The following XIRP2 variants were observed in gnomAD, a reference collection of about 807,000 sequenced individuals.
The protein encoded by XIRP2 is xin actin binding repeat containing 2.
XIRP2 carries 236 observed loss-of-function variants against 277.0 expected under a neutral mutation model. The ratio of observed to expected loss-of-function variants is 0.85; its 90% CI spans 0.77 to 0.95. The LOEUF is 0.95. Ranked by LOEUF, XIRP2 falls within the 40% of genes least tolerant of loss-of-function variation. XIRP2 has a pLI of 0.00. For synonymous variants in XIRP2, 1,490 were observed against 1,416.5 expected, an observed-to-expected ratio of 1.05 and a Z score of -1.17; for missense variants, 4,640 against 4,157.5, an observed-to-expected ratio of 1.12 and a Z score of -3.19.
chr2:166,913,314 C>CT (rs946134411), intron 2 of XIRP2, among the ~76,000 whole-genome samples: 10 of 130,538 alleles, frequency 7.7e-5, no homozygotes, highest in South Asian at 2.7e-4. Context: ...GTGGGCACCC[C>CT]CCCCCCCCAG....
At chr2:166,913,380 C>A (rs530104048) in intron 2 of XIRP2, among the ~76,000 whole-genome samples, 2 of 150,538 alleles carry the variant, frequency 1.3e-5, no homozygotes, top group East Asian at 2.0e-4. Flanking sequence ...ATGAGTGAGG[C>A]TCCGTGGGCG....
Position 167,244,816 on chromosome 2 carries a change from G to T in XIRP2, c.3424G>T (p.Asp1142Tyr). 2 of 1,613,688 alleles carry T rather than the reference G, an allele frequency of 1.2e-6. No individual in the cohort carries two copies. The highest frequency in any genetic ancestry group is 1.7e-6 in the Non-Finnish European group (2 of 1,179,754). The change falls in exon 9 of 11, where the codon GAC becomes TAC. Residue 1142 changes from aspartate to tyrosine, a missense_variant. Physicochemically the swap from Asp to Tyr is radical, Grantham distance 160. Transcript: ENST00000409195. ...ETQPLDTIKD[D>Y]SETAVKLQTV... Reference sequence around the variant, plus strand: ...TCAGCCACTTGATACCATAAAAGATGACTCTGAAACAGCAGTCAAATTGCA... The same window carrying T: ...TCAGCCACTTGATACCATAAAAGATTACTCTGAAACAGCAGTCAAATTGCA...
chr2:167,102,998 G>A (rs1361354191), intron 2 of XIRP2, among the ~76,000 whole-genome samples: 4 of 152,170 alleles, frequency 2.6e-5, no homozygotes, highest in Non-Finnish European at 4.4e-5. Flanking sequence ...AAATAGCTGG[G>A]CATGGTGGCT....
intron 2 of XIRP2, among the ~76,000 whole-genome samples, chr2:167,133,456 G>A (rs774998711): frequency 7.9e-5 from 12 of 152,074 alleles, no homozygotes; most frequent in South Asian, 2.1e-4. Flanking sequence ...TACTGCCTCC[G>A]TACAAGATGC....
chr2:166,902,754 C>G (rs760809932), intron 1 of XIRP2, among the ~76,000 whole-genome samples: 14 of 151,896 alleles, frequency 9.2e-5, no homozygotes, highest in Non-Finnish European at 1.3e-4. Flanking sequence ...AGATAAACTC[C>G]ACTGGTTAAG....
chr2:166,936,606 G>A (rs1477918341), intron 2 of XIRP2, among the ~76,000 whole-genome samples: 2 of 152,170 alleles, frequency 1.3e-5, no homozygotes, highest in Non-Finnish European at 2.9e-5. Context: ...GTAAGGAAGG[G>A]ATCCAGTTTC....
chr2:167,081,102 C>T (rs1689716674), intron 2 of XIRP2, among the ~76,000 whole-genome samples: 1 of 152,010 alleles, frequency 6.6e-6, no homozygotes, highest in Admixed American at 6.6e-5. Context: ...CTATATATAA[C>T]TTGGATTGCT....
chr2:167,175,709 A>G (rs1006695600), intron 3 of XIRP2, among the ~76,000 whole-genome samples: 6 of 152,142 alleles, frequency 3.9e-5, no homozygotes, highest in African/African-American at 1.4e-4. Flanking sequence ...GCAGTCAGGA[A>G]TGTTTAAGTC....
intron 1 of XIRP2, among the ~76,000 whole-genome samples, chr2:166,900,861 C>T (rs182861945): frequency 3.9e-5 from 6 of 152,188 alleles, no homozygotes; most frequent in South Asian, 4.1e-4. Flanking sequence ...ATCTTGATAC[C>T]GCTAGGTGGG....
intron 3 of XIRP2, among the ~76,000 whole-genome samples, chr2:167,204,632 C>T (rs1405513169): frequency 6.6e-6 from 1 of 152,174 alleles, no homozygotes; most frequent in Non-Finnish European, 1.5e-5. Context: ...TATTCTGACA[C>T]ATAGAAAGCA....
intron 2 of XIRP2, among the ~76,000 whole-genome samples, chr2:166,920,091 T>C (rs1684997555): frequency 6.6e-6 from 1 of 152,098 alleles, no homozygotes; most frequent in Admixed American, 6.6e-5. Context: ...CTCAGGTGAC[T>C]AGAGGAAGAG....
intron 2 of XIRP2, among the ~76,000 whole-genome samples, chr2:166,939,747 A>G (rs1574097668): frequency 6.6e-6 from 1 of 151,394 alleles, no homozygotes; most frequent in African/African-American, 2.4e-5. Context: ...AAGAAAATTC[A>G]TTCCTTTAAG....
chr2:167,240,080 T>G (rs1695011058), intron 6 of XIRP2, 115 bp downstream of exon 6: 1 of 881,252 alleles, frequency 1.1e-6, no homozygotes, highest in African/African-American at 1.8e-5. Flanking sequence ...TCAATACCTA[T>G]CAGTGTTTCT....
intron 2 of XIRP2, among the ~76,000 whole-genome samples, chr2:167,102,297 G>A (rs905513469): frequency 6.6e-6 from 1 of 152,136 alleles, no homozygotes; most frequent in Non-Finnish European, 1.5e-5. Flanking sequence ...CTAAAGTAAA[G>A]CCTGCACAAG....
At chr2:167,207,930 T>TGG (rs1693907608) in intron 3 of XIRP2, among the ~76,000 whole-genome samples, 1 of 152,196 alleles carries the variant, frequency 6.6e-6, no homozygotes, top group Non-Finnish European at 1.5e-5. Context: ...TTCTGCTTTG[T>TGG]GGGATGTATT....
intron 2 of XIRP2, among the ~76,000 whole-genome samples, chr2:167,056,005 A>C (rs994385996): frequency 2.0e-5 from 3 of 152,176 alleles, no homozygotes; most frequent in African/African-American, 7.2e-5. Flanking sequence ...GGGTTCAGTA[A>C]ATACCTTCTT....
chr2:167,029,385 A>G (rs189385205), intron 2 of XIRP2, among the ~76,000 whole-genome samples: 84 of 152,186 alleles, frequency 5.5e-4, no homozygotes, highest in Admixed American at 1.4e-3. Context: ...TTCCCTCAAT[A>G]CCTAGCTTAT....
intron 2 of XIRP2, among the ~76,000 whole-genome samples, chr2:166,968,591 T>C (rs1218036475): frequency 6.6e-6 from 1 of 151,972 alleles, no homozygotes; most frequent in Non-Finnish European, 1.5e-5. Context: ...GAAGGAAACT[T>C]ACTGCTTATT....
chr2:167,040,987 A>T (rs1688646222), intron 2 of XIRP2, among the ~76,000 whole-genome samples: 1 of 152,178 alleles, frequency 6.6e-6, no homozygotes, highest in Admixed American at 6.5e-5. Context: ...GCCCTGACAA[A>T]GTGCATTTGC....
Sources: gnomAD v4.1 joint callset for allele counts (sites outside exome capture counted in the v4.1 genomes callset) on GRCh38, gnomAD v4.1.1 for gene constraint, MANE v1.5 for transcripts, NCBI Gene and HGNC (gene_info 2026-07-23, HGNC 2026-07-21) for gene names.